The following ABI3BP variants were observed in gnomAD, a reference collection of about 807,000 sequenced individuals.
ABI3BP encodes target of Nesh-SH3.
In ABI3BP, 216 loss-of-function variants were observed where a neutral mutation model predicts 268.6. The ratio of observed to expected loss-of-function variants is 0.80; its 90% CI spans 0.72 to 0.90. The LOEUF is 0.90. Among genes scored for constraint, ABI3BP ranks in the 40% least tolerant of loss-of-function variants. The probability of loss-of-function intolerance (pLI) is 0.00; values close to 1 mark genes in which losing one functional copy is unlikely to be tolerated. For missense variants in ABI3BP, 2,090 were observed against 2,182.4 expected (o/e 0.96, Z 0.84); for synonymous variants, 730 against 730.0 (o/e 1.00, Z 0.00).
intron 2 of ABI3BP, among the ~76,000 whole-genome samples, chr3:100,909,963 T>C (rs9840644): frequency 0.87 from 131,914 of 152,166 alleles, 57,279 homozygotes; most frequent in East Asian, 1. Context: ...TAAAGACACA[T>C]GCACATGTAT....
intron 33 of ABI3BP, 51 bp from the exon 34 acceptor site, chr3:100,828,503 A>G: frequency 6.9e-7 from 1 of 1,448,678 alleles, no homozygotes; most frequent in Non-Finnish European, 9.3e-7. Context: ...AAAAATTTAT[A>G]AAAACTCAGA....
chr3:100,924,066 T>C (rs1031008333), intron 2 of ABI3BP, among the ~76,000 whole-genome samples: 2 of 152,084 alleles, frequency 1.3e-5, no homozygotes, highest in Non-Finnish European at 2.9e-5. Flanking sequence ...AATTACATCT[T>C]CGTAGGAAAT....
At chr3:100,927,333 C>T (rs1421381527) in intron 1 of ABI3BP, among the ~76,000 whole-genome samples, 3 of 152,132 alleles carry the variant, frequency 2.0e-5, no homozygotes, top group Non-Finnish European at 4.4e-5. Context: ...GTTCAAACCC[C>T]ACTTCTGTGA....
At position 100,772,368 on chromosome 3, in the gene ABI3BP, T is replaced by C. The variant is rs138307023; in HGVS notation, c.4532-1416A>G. On this transcript the variant is annotated intron_variant, in intron 61 of 67. Coordinates refer to ENST00000471714, the MANE Select transcript of ABI3BP (RefSeq NM_001375547.2). ...CAATGTTTTTCTTATTATTTATCTC[T>C]AAAAAATAGTTTACTGTTTAAACAT... is the stretch of plus-strand genomic sequence containing the variant. Among the ~76,000 whole-genome samples the C allele has an allele frequency of 3.4e-3, 520 of 152,274 alleles. 5 individuals carry two copies. The highest frequency in any genetic ancestry group is 5.0e-3 in the Non-Finnish European group (339 of 68,016).
chr3:100,972,486 T>C (rs775675143), intron 1 of ABI3BP, among the ~76,000 whole-genome samples: 6 of 152,200 alleles, frequency 3.9e-5, no homozygotes, highest in Non-Finnish European at 7.3e-5. Context: ...GAGTTATTAT[T>C]TTTGCCACTT....
intron 14 of ABI3BP, among the ~76,000 whole-genome samples, chr3:100,855,039 G>T (rs2153078784): frequency 6.6e-6 from 1 of 152,076 alleles, no homozygotes; most frequent in African/African-American, 2.4e-5. Flanking sequence ...TGATTCTCCT[G>T]CCTCAGCCTC....
At chr3:100,867,559 T>C (rs2099064573) in intron 9 of ABI3BP, among the ~76,000 whole-genome samples, 1 of 140,236 alleles carries the variant, frequency 7.1e-6, no homozygotes, top group Non-Finnish European at 1.5e-5. Context: ...GAGAATGGCG[T>C]GAACCCGGGA....
intron 29 of ABI3BP, among the ~76,000 whole-genome samples, chr3:100,833,567 A>G (rs564918755): frequency 2.9e-4 from 44 of 152,302 alleles, no homozygotes; most frequent in African/African-American, 1.0e-3. Context: ...ACACTGATGA[A>G]TGACTAAAAC....
intron 36 of ABI3BP, 38 bp from the exon 37 acceptor site, chr3:100,823,552 AC>A (rs2098287513): frequency 3.4e-6 from 5 of 1,488,346 alleles, no homozygotes; most frequent in Non-Finnish European, 4.5e-6. Flanking sequence ...AGATTTTTAA[AC>A]ATATGAGAAG....
intron 62 of ABI3BP, among the ~76,000 whole-genome samples, chr3:100,768,610 T>C (rs2096418791): frequency 6.6e-6 from 1 of 152,226 alleles, no homozygotes; most frequent in Non-Finnish European, 1.5e-5. Context: ...CAAAAATTGC[T>C]CCTACCGATA....
intron 57 of ABI3BP, among the ~76,000 whole-genome samples, chr3:100,784,695 C>T (rs1434729019): frequency 6.6e-6 from 1 of 152,078 alleles, no homozygotes; most frequent in African/African-American, 2.4e-5. Flanking sequence ...GAATACTACT[C>T]AGTGATAAAA....
intron 62 of ABI3BP, among the ~76,000 whole-genome samples, chr3:100,769,283 T>C (rs895796009): frequency 1.3e-5 from 2 of 152,202 alleles, no homozygotes; most frequent in Non-Finnish European, 2.9e-5. Flanking sequence ...ATGTGATCCT[T>C]GTCCACAAAA....
intron 1 of ABI3BP, among the ~76,000 whole-genome samples, chr3:100,972,797 A>AT (rs1358545311): frequency 2.0e-5 from 3 of 152,216 alleles, no homozygotes; most frequent in Non-Finnish European, 4.4e-5. Context: ...AAGCTTCATT[A>AT]TTTTGCAGAT....
At chr3:100,977,648 C>T (rs1207536686) in intron 1 of ABI3BP, among the ~76,000 whole-genome samples, 1 of 152,186 alleles carries the variant, frequency 6.6e-6, no homozygotes, top group Non-Finnish European at 1.5e-5. Context: ...CTGCAATGTC[C>T]TTTATGATTT....
At chr3:100,950,188 C>A (rs1347497465) in intron 1 of ABI3BP, among the ~76,000 whole-genome samples, 1 of 152,132 alleles carries the variant, frequency 6.6e-6, no homozygotes, top group Non-Finnish European at 1.5e-5. Flanking sequence ...AGACTATAAG[C>A]TATATAAGGA....
intron 1 of ABI3BP, among the ~76,000 whole-genome samples, chr3:100,964,642 C>T (rs1414072642): frequency 6.6e-6 from 1 of 152,176 alleles, no homozygotes; most frequent in Non-Finnish European, 1.5e-5. Flanking sequence ...TGTAAGCTAC[C>T]TGAAGGCACA....
chr3:100,866,282 C>T (rs562562976), intron 10 of ABI3BP, among the ~76,000 whole-genome samples: 1 of 152,160 alleles, frequency 6.6e-6, no homozygotes, highest in Non-Finnish European at 1.5e-5. Context: ...ATGCCTCCCC[C>T]CTGGACTGGA....
In ABI3BP at chr3:100,929,760, C is replaced by T. The variant is rs536295222; in HGVS notation, c.80-3279G>A. ...ATGAGGCTTTGGCCCTACACCTTTG[C>T]TCAGGTTGTCCACCCAGTATGGATT... On this transcript the variant is annotated intron_variant, in intron 1 of 67. Coordinates refer to ENST00000471714, the MANE Select transcript of ABI3BP (RefSeq NM_001375547.2). 3.9e-5 allele frequency among the ~76,000 whole-genome samples: 6 copies of T among 152,146 alleles called. No homozygotes were observed. The South Asian group carries it at 1.2e-3, about 32-fold the overall frequency.
chr3:100,818,495 C>T (rs1467342561), intron 41 of ABI3BP, 30 bp downstream of exon 41: 1 of 1,514,330 alleles, frequency 6.6e-7, no homozygotes, highest in Admixed American at 2.0e-5. Context: ...GCAGGAAAAG[C>T]ACTATTTGAA....
Sources: allele counts gnomAD v4.1 joint callset (sites outside exome capture counted in the v4.1 genomes callset), GRCh38; gene constraint gnomAD v4.1.1; transcripts MANE v1.5; gene names NCBI Gene and HGNC (gene_info 2026-07-23, HGNC 2026-07-21).